The following RBL1 variants were observed in gnomAD, a reference collection of about 807,000 sequenced individuals.
RBL1 encodes the protein retinoblastoma-like protein 1.
Under a neutral mutation model 123.0 loss-of-function variants are expected in RBL1, and 82 were observed. The observed-to-expected ratio is 0.67, with a 90% CI of 0.56 to 0.80. The LOEUF (loss-of-function observed/expected upper bound fraction) is 0.80. Among genes scored for constraint, RBL1 ranks in the 30% least tolerant of loss-of-function variants. The pLI is 0.00. For missense variants in RBL1, 1,171 were observed against 1,299.6 expected (o/e 0.90, Z 1.52); for synonymous variants, 405 against 441.3 (o/e 0.92, Z 1.03).
At chr20:37,085,512 T>C (rs1014659818) in intron 2 of RBL1, among the ~76,000 whole-genome samples, 1 of 152,156 alleles carries the variant, frequency 6.6e-6, no homozygotes, top group African/African-American at 2.4e-5. Context: ...TACGTGTGTG[T>C]GCGTGGTAAA....
chr20:37,041,163 T>C (rs893508819), intron 13 of RBL1, among the ~76,000 whole-genome samples: 4 of 151,948 alleles, frequency 2.6e-5, no homozygotes, highest in Non-Finnish European at 4.4e-5. Context: ...AGAAGATTAA[T>C]GAAGTACATA....
Position 37,058,143 on chromosome 20 carries a change from A to C in RBL1, c.1251-1885T>G, listed in dbSNP as rs111472412. ...AAAAAAAAAAAACAAAACAAAACAA[A>C]AAAAAAAAAGCCTATTCCAGGGTTC... is the stretch of plus-strand genomic sequence containing the variant. On this transcript the variant is annotated intron_variant, in intron 9 of 21. Coordinates refer to ENST00000373664, the MANE Select transcript of RBL1 (RefSeq NM_002895.5). 9.9e-4 allele frequency among the ~76,000 whole-genome samples: 138 copies of C among 139,972 alleles called. 2 individuals are homozygous for C. Among genetic ancestry groups the C allele is most frequent in the African/African-American group, 3.4e-3 (128 of 38,130 alleles). 91.8% of individuals were successfully genotyped at this position (139,972 alleles called of 152,430 possible).
chr20:37,061,034 TA>T, intron 9 of RBL1, 68 bp downstream of exon 9: 1 of 1,420,076 alleles, frequency 7.0e-7, no homozygotes, highest in Non-Finnish European at 9.3e-7. Flanking sequence ...CTGAATATAC[TA>T]AAAATAGAAT....
intron 16 of RBL1, among the ~76,000 whole-genome samples, chr20:37,029,319 TC>T (rs909291857): frequency 1.3e-5 from 2 of 152,116 alleles, no homozygotes; most frequent in African/African-American, 4.8e-5. Flanking sequence ...CCCTGTAGAA[TC>T]CCCATGTACA....
intron 21 of RBL1, among the ~76,000 whole-genome samples, 155 bp from the exon 22 acceptor site, chr20:36,999,084 G>T (rs1279719104): frequency 6.6e-6 from 1 of 152,086 alleles, no homozygotes; most frequent in African/African-American, 2.4e-5. Context: ...ACCTAATAAG[G>T]GATGGCTTGA....
chr20:37,041,171 A>G (rs1254312651), intron 13 of RBL1, among the ~76,000 whole-genome samples: 3 of 152,194 alleles, frequency 2.0e-5, no homozygotes, highest in Non-Finnish European at 2.9e-5. Flanking sequence ...AATGAAGTAC[A>G]TAAGGAGACA....
chr20:37,005,538 A>G (rs1227265987), intron 20 of RBL1, among the ~76,000 whole-genome samples: 1 of 152,202 alleles, frequency 6.6e-6, no homozygotes, highest in African/African-American at 2.4e-5. Context: ...AGAGAATTCT[A>G]TTAGCCAGCA....
chr20:37,025,746 GTTT>G (rs113216175), intron 16 of RBL1, among the ~76,000 whole-genome samples: 1 of 140,550 alleles, frequency 7.1e-6, no homozygotes, highest in African/African-American at 2.6e-5. Flanking sequence ...AGGGACCTGG[GTTT>G]TTTTTTTTTT....
At chr20:37,002,749 G>A (rs1311555097) in intron 21 of RBL1, among the ~76,000 whole-genome samples, 2 of 137,456 alleles carry the variant, frequency 1.5e-5, no homozygotes, top group Non-Finnish European at 3.2e-5. Flanking sequence ...ACAGAGTCTC[G>A]TTCTGTCGCC....
chr20:37,084,339 C>T (rs1203149343), intron 2 of RBL1, among the ~76,000 whole-genome samples: 1 of 151,586 alleles, frequency 6.6e-6, no homozygotes, highest in Non-Finnish European at 1.5e-5. Context: ...TAAGGCATGG[C>T]TAAATAGATG....
At chr20:37,061,668 T>C (rs2065097370) in intron 8 of RBL1, among the ~76,000 whole-genome samples, 1 of 152,206 alleles carries the variant, frequency 6.6e-6, no homozygotes, top group Non-Finnish European at 1.5e-5. Context: ...AAATACAGAG[T>C]TAAGCCTTGG....
At chr20:37,050,544 C>CAAA (rs148834732) in intron 11 of RBL1, among the ~76,000 whole-genome samples, 143 of 10,952 alleles carry the variant, frequency 0.013, 27 homozygotes, top group Admixed American at 0.037. Flanking sequence ...GACTCTGTCT[C>CAAA]AAAAAAAAAA....
intron 8 of RBL1, 95 bp from the exon 9 acceptor site, chr20:37,061,364 T>G: frequency 1.4e-6 from 2 of 1,429,136 alleles, no homozygotes; most frequent in Non-Finnish European, 1.8e-6. Context: ...CTATTCATAT[T>G]TGTAATATCC....
chr20:37,025,217 A>T (rs1187023575), intron 16 of RBL1, among the ~76,000 whole-genome samples: 1 of 152,008 alleles, frequency 6.6e-6, no homozygotes, highest in Non-Finnish European at 1.5e-5. Flanking sequence ...TAAAGACTAT[A>T]TTTGCCCCTT....
chr20:37,020,538 T>C lies in RBL1; in HGVS notation c.2631+121A>G, dbSNP rs538008307. ...AAATTATCTCTTGAGTTTAATGTTA[T>C]CCATTAAAACAGAAAATCTGAAGTA... is the stretch of plus-strand genomic sequence containing the variant. On this transcript the variant is annotated intron_variant, in intron 18 of 21. Transcript: ENST00000373664. 6.6e-4 allele frequency: 463 copies of C among 702,546 alleles called. 3 individuals carry two copies. The highest frequency in any genetic ancestry group is 3.1e-3 in the Middle Eastern group (8 of 2,560). The allele number at this position is 702,546 out of a possible 1,614,324, so 43.5% of individuals were successfully genotyped here.
At chr20:37,008,649 T>C (rs1258218394) in intron 19 of RBL1, among the ~76,000 whole-genome samples, 1 of 152,196 alleles carries the variant, frequency 6.6e-6, no homozygotes, top group African/African-American at 2.4e-5. Flanking sequence ...TTAGCACATA[T>C]ATGAAAAAAG....
At chr20:37,034,320 C>G (rs1265193659) in intron 15 of RBL1, among the ~76,000 whole-genome samples, 1 of 151,658 alleles carries the variant, frequency 6.6e-6, no homozygotes, top group African/African-American at 2.4e-5. Flanking sequence ...ATTTTGTTCT[C>G]TATTTTGTAT....
At chr20:37,020,821 A>C in intron 17 of RBL1, 91 bp from the exon 18 acceptor site, 1 of 774,098 alleles carries the variant, frequency 1.3e-6, no homozygotes, top group Non-Finnish European at 2.1e-6. Flanking sequence ...CACTGAGAGC[A>C]ACCTTGCAGA....
intron 19 of RBL1, among the ~76,000 whole-genome samples, chr20:37,014,562 G>C (rs1415839346): frequency 6.6e-6 from 1 of 152,004 alleles, no homozygotes; most frequent in African/African-American, 2.4e-5. Context: ...ACTTTGGGAG[G>C]CCAAGGCAGA....
Sources: gnomAD v4.1 joint callset for allele counts (sites outside exome capture counted in the v4.1 genomes callset) on GRCh38, gnomAD v4.1.1 for gene constraint, MANE v1.5 for transcripts, NCBI Gene and HGNC (gene_info 2026-07-23, HGNC 2026-07-21) for gene names.